POLR3B: variants seen among roughly 807,000 people sequenced by gnomAD.
POLR3B encodes RNA polymerase III subunit B.
In POLR3B, 96 loss-of-function variants were observed where a neutral mutation model predicts 147.4. The observed-to-expected ratio is 0.65, with a 90% CI of 0.55 to 0.77. The LOEUF is 0.77. Among genes scored for constraint, POLR3B ranks in the 30% least tolerant of loss-of-function variants. POLR3B has a pLI of 0.00. For missense variants in POLR3B, 1,036 were observed against 1,413.5 expected (o/e 0.73, Z 4.28); for synonymous variants, 461 against 485.9 (o/e 0.95, Z 0.67).
At chr12:106,417,390 C>T (rs1352479127) in intron 12 of POLR3B, among the ~76,000 whole-genome samples, 1 of 152,004 alleles carries the variant, frequency 6.6e-6, no homozygotes, top group East Asian at 1.9e-4. Context: ...CATCTGGAGC[C>T]CTGTGTGCCA....
intron 6 of POLR3B, among the ~76,000 whole-genome samples, chr12:106,371,799 G>A (rs1416959345): frequency 7.5e-6 from 1 of 132,922 alleles, no homozygotes; most frequent in East Asian, 2.5e-4. Flanking sequence ...TGGGGTTGGG[G>A]GAGGGGGGTG....
chr12:106,448,662 A>T (rs1426133934), intron 19 of POLR3B, among the ~76,000 whole-genome samples: 2 of 149,880 alleles, frequency 1.3e-5, no homozygotes, highest in Non-Finnish European at 3.0e-5. Flanking sequence ...CTGGTCTCGA[A>T]CTCCTGACCT....
chr12:106,392,256 G>A (rs1042524941), intron 9 of POLR3B, among the ~76,000 whole-genome samples: 4 of 152,092 alleles, frequency 2.6e-5, no homozygotes, highest in South Asian at 2.1e-4. Context: ...TCCACCGCCC[G>A]GGTTCAAGCG....
chr12:106,504,306 C>A lies in POLR3B; in HGVS notation c.3272+52C>A. 1.4e-6 allele frequency: 2 copies of A among 1,454,162 alleles called. No homozygotes were observed. The highest frequency in any genetic ancestry group is 1.9e-6 in the Non-Finnish European group (2 of 1,033,890). 90.1% of individuals were successfully genotyped at this position (1,454,162 alleles called of 1,614,324 possible). ...ACCACACCCCTTGCCTCTTAAATCA[C>A]AGCTCAAGAATTGACCCTGGATCCT... On this transcript the variant is annotated intron_variant, in intron 27 of 27. Coordinates refer to ENST00000228347, the MANE Select transcript of POLR3B (RefSeq NM_018082.6). This position sits in a 1 kb window ranked among gnomAD's most constrained non-coding sequence, Gnocchi z 4.6.
At chr12:106,464,392 T>C (rs2037979124) in intron 23 of POLR3B, among the ~76,000 whole-genome samples, 2 of 152,152 alleles carry the variant, frequency 1.3e-5, no homozygotes, top group African/African-American at 4.8e-5. Flanking sequence ...ACTCATTTGA[T>C]TCTCACACAA....
chr12:106,367,119 A>C lies in POLR3B; in HGVS notation c.227+397A>C, dbSNP rs372951849. ...CTCTGACTCAAAAAAATAAAAAATGAAAAAATAAATCATTGTCTTTTATTA... is the reference window on the plus strand; with the variant it reads ...CTCTGACTCAAAAAAATAAAAAATGCAAAAATAAATCATTGTCTTTTATTA... On this transcript the variant is annotated intron_variant, in intron 4 of 27. Transcript: ENST00000228347. 1.1e-3 allele frequency among the ~76,000 whole-genome samples: 161 copies of C among 152,312 alleles called. 4 individuals carry two copies. The East Asian group carries it at 0.017, about 16-fold the overall frequency.
At chr12:106,368,508 A>T (rs1048822705) in intron 4 of POLR3B, among the ~76,000 whole-genome samples, 6 of 152,128 alleles carry the variant, frequency 3.9e-5, no homozygotes, top group Non-Finnish European at 7.4e-5. Context: ...AATAATGAGA[A>T]ATCTGGCTCC....
intron 12 of POLR3B, among the ~76,000 whole-genome samples, chr12:106,421,622 A>G (rs1472557160): frequency 6.6e-6 from 1 of 151,516 alleles, no homozygotes; most frequent in East Asian, 1.9e-4. Context: ...ATTTTTGTAT[A>G]TTTTGCTTCC....
At chr12:106,470,089 A>T (rs745368544) in intron 23 of POLR3B, among the ~76,000 whole-genome samples, 1 of 152,192 alleles carries the variant, frequency 6.6e-6, no homozygotes, top group African/African-American at 2.4e-5. Context: ...AGGTACATCA[A>T]TCAAACGTAG....
chr12:106,408,366 C>T (rs2037177782), intron 11 of POLR3B, among the ~76,000 whole-genome samples: 1 of 152,156 alleles, frequency 6.6e-6, no homozygotes, highest in Non-Finnish European at 1.5e-5. Flanking sequence ...CCTTTCAGTT[C>T]CTTGGAGACT....
chr12:106,410,868 G>T lies in POLR3B; in HGVS notation c.1009G>T (p.Val337Leu), dbSNP rs747242779. The T allele has an allele frequency of 1.2e-6, 2 of 1,613,876 alleles. No individual in the cohort carries two copies. The highest frequency in any genetic ancestry group is 8.5e-7 in the Non-Finnish European group (1 of 1,179,790). ...NFRAKCIYTA[V>L]MVRRVILAQG... is the part of the protein sequence containing the mutation. ...CCGAGCCAAATGTATCTATACTGCA[G>T]TGATGGTGCGAAGAGTTATTCTGGC... Residue 337 changes from valine to leucine, a missense_variant, in exon 12 of 28, where the codon GTG (valine) becomes TTG (leucine). By Grantham distance (32) the Val-to-Leu change is conservative. Transcript: ENST00000228347.
At chr12:106,414,020 G>T (rs145380651) in intron 12 of POLR3B, among the ~76,000 whole-genome samples, 66 of 149,810 alleles carry the variant, frequency 4.4e-4, no homozygotes, top group African/African-American at 1.5e-3. Flanking sequence ...TATTTTGTGT[G>T]TTTTTTTTAT....
rs2137057841 is a variant in POLR3B, at chr12:106,480,868, T to TA, written c.2714-15187_2714-15186insA. 2.1e-5 allele frequency among the ~76,000 whole-genome samples: 3 copies of TA among 142,544 alleles called. No individual in the cohort carries two copies. In the East Asian group the frequency reaches 6.1e-4, roughly 29 times the overall value. 93.5% of individuals were successfully genotyped at this position (142,544 alleles called of 152,430 possible). A position where few individuals can be genotyped will look rare whatever the true frequency, so the allele number is the denominator to read the frequency against. On this transcript the variant is annotated intron_variant, in intron 23 of 27. Transcript: ENST00000228347. ...GCTGAGGGAATGATATGTCGTGAGA[T>TA]GAGAAAAGATTGAAAGCTGGGAGGG... is the stretch of plus-strand genomic sequence containing the variant.
chr12:106,480,262 G>C (rs571711046), intron 23 of POLR3B, among the ~76,000 whole-genome samples: 6 of 152,162 alleles, frequency 3.9e-5, no homozygotes, highest in African/African-American at 1.4e-4. Context: ...CTAATACCTG[G>C]TATACCCCTG....
At chr12:106,424,918 C>A (rs1051915566) in intron 12 of POLR3B, among the ~76,000 whole-genome samples, 4 of 152,042 alleles carry the variant, frequency 2.6e-5, no homozygotes, top group African/African-American at 9.7e-5. Context: ...TCTTTAATTT[C>A]TTTCAGTAAT....
intron 12 of POLR3B, among the ~76,000 whole-genome samples, chr12:106,412,977 AT>A (rs1202661816): frequency 1.3e-5 from 2 of 151,744 alleles, no homozygotes; most frequent in Non-Finnish European, 2.9e-5. Context: ...CCATTTAAAA[AT>A]TTTTTTTCTT....
chr12:106,395,901 C>T (rs534414162), intron 10 of POLR3B, among the ~76,000 whole-genome samples: 5 of 152,132 alleles, frequency 3.3e-5, no homozygotes, highest in Admixed American at 6.5e-5. Context: ...ACCCAGGAGG[C>T]GGAGGTTGCA....
At chr12:106,471,877 T>A (rs1473262400) in intron 23 of POLR3B, among the ~76,000 whole-genome samples, 2 of 151,736 alleles carry the variant, frequency 1.3e-5, no homozygotes, top group Non-Finnish European at 2.9e-5. Context: ...TTTTTTTTTT[T>A]ATACTTTAAG....
rs568647613 is a variant in POLR3B, at chr12:106,421,484, G to T, written c.1102-5713G>T. ...AATAGATGCAAAATGGCATCTCCTT[G>T]TGGTCTTAATTTGCATTTTCTATAT... is the stretch of plus-strand genomic sequence containing the variant. On this transcript the variant is annotated intron_variant, in intron 12 of 27. Coordinates refer to ENST00000228347, the MANE Select transcript of POLR3B (RefSeq NM_018082.6). 9.2e-5 allele frequency among the ~76,000 whole-genome samples: 14 copies of T among 152,082 alleles called. 1 individual carries two copies. In the South Asian group the frequency reaches 2.9e-3, roughly 31 times the overall value.
Sources: gnomAD v4.1 joint callset for allele counts (sites outside exome capture counted in the v4.1 genomes callset) on GRCh38, gnomAD v4.1.1 for gene constraint, Gnocchi (gnomAD v3.1) non-coding constraint, MANE v1.5 for transcripts, NCBI Gene and HGNC (gene_info 2026-07-23, HGNC 2026-07-21) for gene names.